Variants in RPRD1A observed in about 807,000 individuals in gnomAD.
RPRD1A encodes the protein regulation of nuclear pre-mRNA domain-containing protein 1A.
Under a neutral mutation model 37.8 loss-of-function variants are expected in RPRD1A, and 9 were observed. The ratio of observed to expected loss-of-function variants is 0.24; its 90% CI spans 0.14 to 0.42. The LOEUF is 0.42. Ranked by LOEUF, RPRD1A falls within the 10% of genes least tolerant of loss-of-function variation. The pLI is 1.00. For synonymous variants in RPRD1A, 138 were observed against 139.7 expected, an observed-to-expected ratio of 0.99 and a Z score of 0.08; for missense variants, 255 against 371.0, an observed-to-expected ratio of 0.69 and a Z score of 2.57.
chr18:36,062,294 G>C (rs1479352165), intron 1 of RPRD1A, among the ~76,000 whole-genome samples: 1 of 143,732 alleles, frequency 7.0e-6, no homozygotes, highest in Admixed American at 7.0e-5. Context: ...TCCGCAGTCC[G>C]GCCTGGGCGA....
At chr18:36,034,544 T>C (rs1912050055) in intron 1 of RPRD1A, among the ~76,000 whole-genome samples, 1 of 152,208 alleles carries the variant, frequency 6.6e-6, no homozygotes. Flanking sequence ...TACTACTGAA[T>C]ATGACTCAAA....
At chr18:36,028,801 A>G (rs1489060983) in intron 4 of RPRD1A, among the ~76,000 whole-genome samples, 1 of 152,240 alleles carries the variant, frequency 6.6e-6, no homozygotes, top group Non-Finnish European at 1.5e-5. Context: ...TTGATAATTA[A>G]GCAGCACAAC....
chr18:36,029,463 T>A (rs1428119488), intron 4 of RPRD1A, among the ~76,000 whole-genome samples: 5 of 152,156 alleles, frequency 3.3e-5, no homozygotes, highest in Non-Finnish European at 7.4e-5. Flanking sequence ...CCAGGTTTTG[T>A]CTCACCTATG....
At chr18:36,022,754 G>A (rs1254867137) in intron 6 of RPRD1A, among the ~76,000 whole-genome samples, 1 of 152,162 alleles carries the variant, frequency 6.6e-6, no homozygotes, top group Non-Finnish European at 1.5e-5. Flanking sequence ...CTTGACCCAA[G>A]AGTTCAAGAC....
intron 1 of RPRD1A, among the ~76,000 whole-genome samples, chr18:36,039,879 T>C (rs1052612116): frequency 3.6e-5 from 5 of 140,496 alleles, no homozygotes; most frequent in Non-Finnish European, 4.7e-5. Context: ...CATGCACATA[T>C]ACACACACAC....
At chr18:36,012,219 C>T (rs1568120351) in intron 6 of RPRD1A, among the ~76,000 whole-genome samples, 4 of 152,172 alleles carry the variant, frequency 2.6e-5, no homozygotes, top group African/African-American at 9.7e-5. Flanking sequence ...GCCATCCTAA[C>T]ATCATAGCAC....
At chr18:36,061,050 G>GT (rs2088900588) in intron 1 of RPRD1A, among the ~76,000 whole-genome samples, 2 of 152,070 alleles carry the variant, frequency 1.3e-5, no homozygotes, top group African/African-American at 4.8e-5. Context: ...CCAAAGCTAT[G>GT]TATCACCTCA....
intron 1 of RPRD1A, among the ~76,000 whole-genome samples, chr18:36,043,006 T>C (rs568112345): frequency 7.9e-5 from 12 of 152,146 alleles, no homozygotes; most frequent in Non-Finnish European, 1.5e-4. Context: ...AGGATATTCA[T>C]GACAGCATCG....
At chr18:36,055,055 G>C (rs1211798260) in intron 1 of RPRD1A, among the ~76,000 whole-genome samples, 1 of 152,130 alleles carries the variant, frequency 6.6e-6, no homozygotes, top group East Asian at 1.9e-4. Context: ...CACATATCCA[G>C]AAATGGCTGG....
At chr18:36,018,309 T>G (rs577187732) in intron 6 of RPRD1A, among the ~76,000 whole-genome samples, 2 of 151,562 alleles carry the variant, frequency 1.3e-5, no homozygotes, top group South Asian at 4.2e-4. Flanking sequence ...AGTCTCGCTC[T>G]GTCGCCCAGG....
intron 6 of RPRD1A, among the ~76,000 whole-genome samples, chr18:36,002,215 G>C (rs1387187152): frequency 1.3e-5 from 2 of 152,076 alleles, no homozygotes; most frequent in African/African-American, 4.8e-5. Context: ...TCATTCTCTT[G>C]CTTTCCAGTA....
intron 1 of RPRD1A, among the ~76,000 whole-genome samples, chr18:36,051,027 A>G (rs1465751888): frequency 6.6e-6 from 1 of 151,538 alleles, no homozygotes; most frequent in Non-Finnish European, 1.5e-5. Flanking sequence ...ATAATTTTTG[A>G]CCCTCCCAAA....
rs748533057 is a variant in RPRD1A at position 36,033,676 on chromosome 18, A to C, written c.281+32T>G. The C allele has an allele frequency of 1.9e-6, 3 of 1,574,824 alleles. No homozygotes were observed. The South Asian group carries it at 3.6e-5, about 19-fold the overall frequency. ...AAAGGACATATGGTACATTTAAAACAGATTACCTAATACCCAAAACTATGA... is the reference window on the plus strand; with the variant it reads ...AAAGGACATATGGTACATTTAAAACCGATTACCTAATACCCAAAACTATGA... On this transcript the variant is annotated intron_variant, in intron 2 of 6. Coordinates refer to ENST00000399022, the MANE Select transcript of RPRD1A (RefSeq NM_018170.5).
Position 35,991,932 on chromosome 18 carries a change from C to T in RPRD1A, c.*1219G>A, listed in dbSNP as rs1443071329. 3.3e-5 allele frequency: 5 copies of T among 152,368 alleles called. No individual in the cohort carries two copies. The South Asian group carries it at 1.0e-3, about 32-fold the overall frequency. The allele number at this position is 152,368 out of a possible 1,614,324, so 9.4% of individuals were successfully genotyped here. A position where few individuals can be genotyped will look rare whatever the true frequency, so the allele number is the denominator to read the frequency against. The stretch of plus-strand genomic sequence containing the variant: ...GAAGAAAAATGTCTAGTATGTAAAG[C>T]AATGAATGAAAATAAATGTTTATCC... On this transcript the variant is annotated 3_prime_UTR_variant, in exon 7 of 7. Transcript: ENST00000399022.
At chr18:36,050,037 C>T (rs1913263674) in intron 1 of RPRD1A, among the ~76,000 whole-genome samples, 1 of 151,846 alleles carries the variant, frequency 6.6e-6, no homozygotes, top group African/African-American at 2.4e-5. Flanking sequence ...TCTGCTTGTG[C>T]TTTTGATGTG....
chr18:36,022,743 G>C (rs187453854), intron 6 of RPRD1A, among the ~76,000 whole-genome samples: 2 of 151,544 alleles, frequency 1.3e-5, no homozygotes, highest in Non-Finnish European at 2.9e-5. Flanking sequence ...TGGGAGGACT[G>C]CTTGACCCAA....
chr18:36,032,317 A>G (rs1327856495), intron 2 of RPRD1A, among the ~76,000 whole-genome samples: 5 of 152,218 alleles, frequency 3.3e-5, no homozygotes. Flanking sequence ...GCAGCCAATA[A>G]ATATTTTACT....
intron 6 of RPRD1A, among the ~76,000 whole-genome samples, chr18:36,013,518 C>T (rs1266270548): frequency 2.0e-5 from 3 of 151,966 alleles, no homozygotes; most frequent in Admixed American, 6.5e-5. Flanking sequence ...GACCAATATC[C>T]GAGATAGGTG....
chr18:36,017,810 G>GA (rs1910698589), intron 6 of RPRD1A, among the ~76,000 whole-genome samples: 1 of 152,230 alleles, frequency 6.6e-6, no homozygotes, highest in African/African-American at 2.4e-5. Flanking sequence ...TAACGTAAAA[G>GA]AATGAACACT....
Sources: gnomAD v4.1 joint callset for allele counts (sites outside exome capture counted in the v4.1 genomes callset) on GRCh38, gnomAD v4.1.1 for gene constraint, MANE v1.5 for transcripts, NCBI Gene and HGNC (gene_info 2026-07-23, HGNC 2026-07-21) for gene names.